The following TUSC3 variants were observed in gnomAD, a reference collection of about 807,000 sequenced individuals.
TUSC3 encodes tumor suppressor candidate 3.
Under a neutral mutation model 44.8 loss-of-function variants are expected in TUSC3, and 45 were observed. The ratio of observed to expected loss-of-function variants is 1.00; its 90% confidence interval spans 0.79 to 1.29. The LOEUF is 1.29. Ranked by LOEUF, TUSC3 falls within the 50% of genes most tolerant of loss-of-function variation. The pLI is 0.00. For missense variants in TUSC3, 519 were observed against 437.9 expected, an observed-to-expected ratio of 1.19 and a Z score of -1.65; for synonymous variants, 212 against 152.9, an observed-to-expected ratio of 1.39 and a Z score of -2.85.
At chr8:15,419,517 G>A (rs987172790) in intron 1 of TUSC3, among the ~76,000 whole-genome samples, 2 of 152,144 alleles carry the variant, frequency 1.3e-5, no homozygotes, top group Admixed American at 1.3e-4. Context: ...CAAATTTGAT[G>A]TGGCAAGTTT....
At chr8:15,790,892 A>C in the TUSC3 span, among the ~76,000 whole-genome samples, 1 of 152,144 alleles carries the variant, frequency 6.6e-6, no homozygotes, top group Admixed American at 6.6e-5. Flanking sequence ...GAGCCTGAAG[A>C]CTTCTCAAGG....
intron 1 of TUSC3, among the ~76,000 whole-genome samples, chr8:15,445,331 G>C (rs1800081316): frequency 6.7e-6 from 1 of 149,040 alleles, no homozygotes; most frequent in Admixed American, 6.6e-5. Flanking sequence ...TTTTTTTTTA[G>C]TATTTATTGA....
At chr8:15,570,218 C>G (rs933290840) in intron 1 of TUSC3, among the ~76,000 whole-genome samples, 1 of 151,640 alleles carries the variant, frequency 6.6e-6, no homozygotes, top group Non-Finnish European at 1.5e-5. Context: ...ACAAAACACT[C>G]CACATCTTTT....
intron 1 of TUSC3, among the ~76,000 whole-genome samples, chr8:15,597,958 C>T (rs928241639): frequency 6.6e-6 from 1 of 152,022 alleles, no homozygotes; most frequent in East Asian, 1.9e-4. Context: ...TGTATATTTA[C>T]ACGCATGCAC....
the TUSC3 span, among the ~76,000 whole-genome samples, chr8:15,840,676 A>C: frequency 2.6e-5 from 4 of 152,206 alleles, no homozygotes; most frequent in African/African-American, 9.6e-5. Flanking sequence ...CTGCTCAGAA[A>C]GTCTCAGAAT....
rs1323304471 is a variant in TUSC3 at position 15,540,521 on chromosome 8, C to G, written c.91C>G (p.Leu31Val). 1.2e-6 allele frequency: 2 copies of G among 1,606,798 alleles called. No homozygotes were observed. The highest frequency in any genetic ancestry group is 1.7e-5 in the Admixed American group (1 of 59,574). Residue 31 changes from leucine (L) to valine (V), a missense_variant, in exon 1 of 11, where the codon CTG becomes GTG. Leu to Val is a conservative substitution (Grantham distance 32, BLOSUM62 1). Transcript: ENST00000503731. Reference sequence around the variant, plus strand: ...CGGGAGCTTTCCCTTCCTTCTCCTGCTGCTGCTGCTCTGCATCCAGCTCGG... The same window carrying G: ...CGGGAGCTTTCCCTTCCTTCTCCTGGTGCTGCTGCTCTGCATCCAGCTCGG... ...PTGSFPFLLL[L>V]LLLCIQLGGG... is the part of the protein sequence containing the mutation.
At chr8:15,718,271 C>T (rs528204431) in intron 6 of TUSC3, among the ~76,000 whole-genome samples, 62 of 152,144 alleles carry the variant, frequency 4.1e-4, no homozygotes, top group Middle Eastern at 3.4e-3. Context: ...AGAAAAGTGG[C>T]AGTAGAGAAT....
chr8:15,796,156 G>A, the TUSC3 span, among the ~76,000 whole-genome samples: 6 of 152,206 alleles, frequency 3.9e-5, no homozygotes, highest in South Asian at 2.1e-4. Context: ...AGTCTATGTC[G>A]GTGGATATGT....
chr8:15,422,382 C>G (rs573962972), intron 1 of TUSC3, among the ~76,000 whole-genome samples: 71 of 152,238 alleles, frequency 4.7e-4, no homozygotes, highest in African/African-American at 1.6e-3. Context: ...GTCTTCTTAC[C>G]TACTAGAGAG....
chr8:15,804,495 T>C, the TUSC3 span, among the ~76,000 whole-genome samples: 1 of 152,194 alleles, frequency 6.6e-6, no homozygotes, highest in African/African-American at 2.4e-5. Context: ...CATCTTGAGG[T>C]AAGTTTTGTA....
intron 2 of TUSC3, among the ~76,000 whole-genome samples, chr8:15,494,558 C>T (rs1027108974): frequency 6.6e-6 from 1 of 152,162 alleles, no homozygotes; most frequent in Non-Finnish European, 1.5e-5. Flanking sequence ...ACGTCGTGAT[C>T]TGCACGCCTC....
chr8:15,536,674 T>C (rs1801526011), upstream of TUSC3, among the ~76,000 whole-genome samples: 1 of 70,906 alleles, frequency 1.4e-5, no homozygotes. Flanking sequence ...AGAGCAAGAT[T>C]CCGTCTCAAA....
intron 7 of TUSC3, among the ~76,000 whole-genome samples, chr8:15,736,093 A>G (rs1350559980): frequency 5.9e-5 from 9 of 152,268 alleles, no homozygotes; most frequent in Non-Finnish European, 1.3e-4. Flanking sequence ...GTATAAAAAC[A>G]AATGTGTGTG....
chr8:15,459,389 A>T (rs748901712), intron 1 of TUSC3, among the ~76,000 whole-genome samples: 2 of 151,776 alleles, frequency 1.3e-5, no homozygotes, highest in Non-Finnish European at 2.9e-5. Context: ...TTTTTTTGAC[A>T]TTAATTTTTT....
chr8:15,582,720 G>A (rs1283298458), intron 1 of TUSC3, among the ~76,000 whole-genome samples: 1 of 152,174 alleles, frequency 6.6e-6, no homozygotes, highest in Admixed American at 6.5e-5. Flanking sequence ...ACTGCCTGGT[G>A]TAACCTGAAA....
At chr8:15,458,895 C>G (rs1299852457) in intron 1 of TUSC3, among the ~76,000 whole-genome samples, 1 of 152,174 alleles carries the variant, frequency 6.6e-6, no homozygotes, top group Non-Finnish European at 1.5e-5. Flanking sequence ...ATGTAAGCTC[C>G]TCTACTTTTG....
At chr8:15,657,134 C>T (rs1807211318) in intron 3 of TUSC3, among the ~76,000 whole-genome samples, 1 of 152,160 alleles carries the variant, frequency 6.6e-6, no homozygotes, top group Non-Finnish European at 1.5e-5. Context: ...GCTTCCTTTC[C>T]ATCTCTGCTA....
chr8:15,652,589 T>C (rs537388919), intron 3 of TUSC3, among the ~76,000 whole-genome samples: 2 of 152,282 alleles, frequency 1.3e-5, no homozygotes, highest in South Asian at 4.1e-4. Context: ...GTAATAATAG[T>C]ATCATAATAA....
At chr8:15,433,710 T>G (rs544717419) in intron 1 of TUSC3, among the ~76,000 whole-genome samples, 1 of 152,250 alleles carries the variant, frequency 6.6e-6, no homozygotes, top group South Asian at 2.1e-4. Context: ...CATACTCACT[T>G]TGCCTGCCTT....
Sources: allele counts gnomAD v4.1 joint callset (sites outside exome capture counted in the v4.1 genomes callset), GRCh38; gene constraint gnomAD v4.1.1; transcripts MANE v1.5; gene names NCBI Gene and HGNC (gene_info 2026-07-23, HGNC 2026-07-21).